Variants in TMED3 observed in about 807,000 individuals in gnomAD.
The protein encoded by TMED3 is transmembrane p24 trafficking protein 3.
In TMED3, 9 loss-of-function variants were observed where a neutral mutation model predicts 15.0. That is an observed-to-expected ratio of 0.60 (90% CI 0.36 to 1.04). The LOEUF (loss-of-function observed/expected upper bound fraction) is 1.04. TMED3 is among the 50% of genes least tolerant of loss of function. The probability of loss-of-function intolerance (pLI) is 0.01; values close to 1 mark genes in which losing one functional copy is unlikely to be tolerated. For missense variants in TMED3, 267 were observed against 278.9 expected (o/e 0.96, Z 0.30); for synonymous variants, 117 against 121.4 (o/e 0.96, Z 0.24).
intron 1 of TMED3, 89 bp from the exon 2 acceptor site, chr15:79,313,668 T>C: frequency 6.7e-7 from 1 of 1,481,954 alleles, no homozygotes; most frequent in Non-Finnish European, 9.0e-7. Context: ...GTGACAGAAA[T>C]GTTTGTAGAG....
intron 2 of TMED3, chr15:79,314,670 A>G: frequency 2.5e-6 from 1 of 403,456 alleles, no homozygotes; most frequent in Non-Finnish European, 5.2e-6. Context: ...GAACTTAGTC[A>G]TGTGGCAAAG....
intron 2 of TMED3, among the ~76,000 whole-genome samples, chr15:79,390,880 A>G (rs1191566869): frequency 1.3e-5 from 2 of 152,064 alleles, no homozygotes; most frequent in Non-Finnish European, 2.9e-5. Flanking sequence ...AAAGGTGTTC[A>G]TAGTAGCCTT....
At chr15:79,392,664 G>A (rs906263930) in intron 2 of TMED3, among the ~76,000 whole-genome samples, 1 of 152,080 alleles carries the variant, frequency 6.6e-6, no homozygotes, top group African/African-American at 2.4e-5. Flanking sequence ...TATTATTTTA[G>A]CTGATTTTTT....
intron 2 of TMED3, among the ~76,000 whole-genome samples, chr15:79,380,127 CGGATCACGAGGTCA>C (rs1567036488): frequency 6.6e-6 from 1 of 151,922 alleles, no homozygotes; most frequent in African/African-American, 2.4e-5. Context: ...AGGGAGGGGC[CGGATCACGAGGTCA>C]GGAGTTCGAG....
chr15:79,409,508 C>T (rs1382922447), intron 2 of TMED3, among the ~76,000 whole-genome samples: 1 of 152,140 alleles, frequency 6.6e-6, no homozygotes, highest in Non-Finnish European at 1.5e-5. Flanking sequence ...TGCAAATGGG[C>T]CCGCTAACAT....
chr15:79,329,878 A>G (rs1285865302), intron 2 of TMED3, among the ~76,000 whole-genome samples: 3 of 152,198 alleles, frequency 2.0e-5, no homozygotes, highest in Non-Finnish European at 4.4e-5. Context: ...TATACTCTAC[A>G]AGAGAATATT....
chr15:79,373,008 C>T (rs1259317659), intron 2 of TMED3, among the ~76,000 whole-genome samples: 2 of 152,152 alleles, frequency 1.3e-5, no homozygotes, highest in Non-Finnish European at 2.9e-5. Context: ...TGGGATTCTC[C>T]AGAGCCTAGC....
At chr15:79,327,237 G>A (rs1595889537), downstream of TMED3, among the ~76,000 whole-genome samples, 1 of 152,168 alleles carries the variant, frequency 6.6e-6, no homozygotes, top group Admixed American at 6.5e-5. Context: ...CTTCTGCCAC[G>A]TGAGGATGCA....
intron 2 of TMED3, among the ~76,000 whole-genome samples, chr15:79,338,140 T>C (rs190347461): frequency 9.8e-4 from 149 of 152,324 alleles, no homozygotes; most frequent in African/African-American, 3.4e-3. Flanking sequence ...ATGTATAATA[T>C]ATAGTAAAAT....
intron 2 of TMED3, among the ~76,000 whole-genome samples, chr15:79,354,020 A>G (rs2058908766): frequency 6.6e-6 from 1 of 152,160 alleles, no homozygotes; most frequent in African/African-American, 2.4e-5. Context: ...TGTGGACTGA[A>G]CCCTTCATTG....
rs149854048 is a variant in TMED3, at chr15:79,342,187, A to G, written c.417+28182A>G. On this transcript the variant is annotated intron_variant, in intron 2 of 2. Coordinates refer to the TMED3 transcript ENST00000424155. ...TAGGATAAAAGATCTTACATCAACC[A>G]TATCTGACATATAGATAAGGAAAAT... Among the ~76,000 whole-genome samples the G allele has an allele frequency of 5.0e-3, 768 of 152,324 alleles. 4 individuals carry two copies. The highest frequency in any genetic ancestry group is 0.018 in the African/African-American group (744 of 41,582).
At chr15:79,357,299 A>G (rs1178375900) in intron 2 of TMED3, among the ~76,000 whole-genome samples, 1 of 151,530 alleles carries the variant, frequency 6.6e-6, no homozygotes, top group Non-Finnish European at 1.5e-5. Flanking sequence ...AGCCTGGGCC[A>G]CATAGTGAGA....
chr15:79,378,452 C>T (rs1893466748), intron 2 of TMED3, among the ~76,000 whole-genome samples: 1 of 152,144 alleles, frequency 6.6e-6, no homozygotes, highest in Admixed American at 6.5e-5. Flanking sequence ...CATCCTTGAG[C>T]GCCTTGTCAT....
chr15:79,412,019 C>G (rs1201368907), exon 3 of TMED3: 1 of 150,214 alleles, frequency 6.7e-6, no homozygotes, highest in Middle Eastern at 3.1e-3. Context: ...TGCAGTGCAG[C>G]CTTGGGTAGC....
rs372726247 is a variant in TMED3, at chr15:79,404,814, C to A, written c.418-6586C>A. ...TTACCTTCCCACATGTCCCTCATGA[C>A]CACCCCTGAGTGGGGATGTGGGCAG... On this transcript the variant is annotated intron_variant, in intron 2 of 2. Coordinates refer to the TMED3 transcript ENST00000424155. Among the ~76,000 whole-genome samples the A allele has an allele frequency of 3.9e-5, 6 of 152,260 alleles. No homozygotes were observed. In the East Asian group the frequency reaches 7.7e-4, roughly 20 times the overall value.
chr15:79,351,630 C>A (rs568577642), intron 2 of TMED3, among the ~76,000 whole-genome samples: 3 of 152,106 alleles, frequency 2.0e-5, no homozygotes. Flanking sequence ...TTGGTGGAAA[C>A]GTAAACTAGT....
chr15:79,378,205 A>G (rs1330531762), intron 2 of TMED3, among the ~76,000 whole-genome samples: 1 of 152,236 alleles, frequency 6.6e-6, no homozygotes, highest in Non-Finnish European at 1.5e-5. Context: ...ATTCATTACT[A>G]GCATATATTT....
intron 2 of TMED3, among the ~76,000 whole-genome samples, chr15:79,404,902 A>G (rs7166623): frequency 0.46 from 70,163 of 152,020 alleles, 16,602 homozygotes; most frequent in East Asian, 0.68. Context: ...AGTAAGCCTC[A>G]GTTTTTCCTC....
chr15:79,322,794 A>G lies in TMED3; in HGVS notation c.*580A>G, dbSNP rs113557327. On this transcript the variant is annotated 3_prime_UTR_variant, in exon 3 of 3. Transcript: ENST00000299705. ...GTGAGCTGTGTATTTCCTAGGAGGT[A>G]GAAAACTGTGGGAAACTGTGGCTAA... The G allele has an allele frequency of 2.3e-4, 230 of 985,518 alleles. 3 individuals are homozygous for G. In the African/African-American group the frequency reaches 2.9e-3, roughly 12 times the overall value. The allele number at this position is 985,518 out of a possible 1,614,324, so 61.0% of individuals were successfully genotyped here.
Sources: allele counts gnomAD v4.1 joint callset (sites outside exome capture counted in the v4.1 genomes callset), GRCh38; gene constraint gnomAD v4.1.1; transcripts MANE v1.5; gene names NCBI Gene and HGNC (gene_info 2026-07-23, HGNC 2026-07-21).